The following C2CD5 variants were observed in gnomAD, a reference collection of about 807,000 sequenced individuals.
C2CD5 encodes C2 calcium dependent domain containing 5.
A neutral mutation model predicts 130.3 loss-of-function variants in C2CD5; 109 were observed. The ratio of observed to expected loss-of-function variants is 0.84; its 90% CI spans 0.72 to 0.98. C2CD5 has a LOEUF of 0.98. Among genes scored for constraint, C2CD5 ranks in the 50% least tolerant of loss-of-function variants. The probability of loss-of-function intolerance (pLI) is 0.00; values close to 1 mark genes in which losing one functional copy is unlikely to be tolerated. For missense variants in C2CD5, 996 were observed against 1,261.8 expected (o/e 0.79, Z 3.19); for synonymous variants, 454 against 429.2 (o/e 1.06, Z -0.71).
chr12:22,483,489 C>G (rs1233437714), intron 13 of C2CD5, among the ~76,000 whole-genome samples: 1 of 151,966 alleles, frequency 6.6e-6, no homozygotes, highest in African/African-American at 2.4e-5. Context: ...CTTCAATGTG[C>G]TGTAAAGAAA....
chr12:22,457,255 C>A, intron 24 of C2CD5, 94 bp from the exon 25 acceptor site: 1 of 792,622 alleles, frequency 1.3e-6, no homozygotes, highest in Non-Finnish European at 2.0e-6. Context: ...CAACATTCAG[C>A]TGTCTGTGAG....
At chr12:22,544,202 C>A in intron 1 of C2CD5, 23 bp from the exon 2 acceptor site, 2 of 1,568,796 alleles carry the variant, frequency 1.3e-6, no homozygotes, top group South Asian at 1.1e-5. Context: ...ACAAACGAGT[C>A]TGCGCCGAGC....
intron 23 of C2CD5, chr12:22,458,993 TA>T (rs927113924): frequency 6.4e-6 from 1 of 156,444 alleles, no homozygotes; most frequent in African/African-American, 2.4e-5. Flanking sequence ...AGTTTTACCC[TA>T]AAATTTTAAA....
Position 22,544,305 on chromosome 12 carries a change from C to A in C2CD5, c.-30+15G>T. The A allele has an allele frequency of 1.8e-6, 1 of 556,118 alleles. No homozygotes were observed. Among genetic ancestry groups the A allele is most frequent in the Non-Finnish European group, 3.1e-6 (1 of 326,702 alleles). The allele number at this position is 556,118 out of a possible 1,614,324, so 34.4% of individuals were successfully genotyped here. ...GCGCGGGCGCCCGGCAGTCGCGCCA[C>A]GGGTCGCCACTCACTGTCGCAGGAG... On this transcript the variant is annotated intron_variant, in intron 1 of 26. Coordinates refer to ENST00000446597, the MANE Select transcript of C2CD5 (RefSeq NM_001286176.2).
At chr12:22,474,977 T>C in intron 15 of C2CD5, 86 bp from the exon 16 acceptor site, 1 of 845,944 alleles carries the variant, frequency 1.2e-6, no homozygotes, top group Non-Finnish European at 1.7e-6. Flanking sequence ...GACACCTACC[T>C]GTGGAGAAAA....
Position 22,474,820 on chromosome 12 carries a change from T to C in C2CD5, c.1974A>G (p.Gln658=), listed in dbSNP as rs769178112. The C allele has an allele frequency of 1.7e-5, 28 of 1,609,988 alleles. No homozygotes were observed. In the Admixed American group the frequency reaches 2.0e-4, roughly 12 times the overall value. Residue 658 remains glutamine (Q), a synonymous_variant, in exon 16 of 27, where the codon CAA becomes CAG. Coordinates refer to ENST00000446597, the MANE Select transcript of C2CD5 (RefSeq NM_001286176.2). ...CTGTAACTTCATCCGAGCTTTCTGA[T>C]TGAGATCTTAGAAGTCTTGAGCGTT... ...PRQRSRLLRS[Q]SESSDEVTEL...
intron 3 of C2CD5, among the ~76,000 whole-genome samples, chr12:22,533,989 C>G (rs1445310493): frequency 6.6e-6 from 1 of 152,154 alleles, no homozygotes; most frequent in Non-Finnish European, 1.5e-5. Flanking sequence ...AGTTTGAGAC[C>G]AGCCGGGCCA....
At chr12:22,460,021 C>G (rs1254771436) in intron 22 of C2CD5, among the ~76,000 whole-genome samples, 2 of 152,198 alleles carry the variant, frequency 1.3e-5, no homozygotes, top group Non-Finnish European at 2.9e-5. Flanking sequence ...AGTCTTAACT[C>G]TCACCACCAA....
intron 26 of C2CD5, among the ~76,000 whole-genome samples, chr12:22,452,548 A>AT (rs1938901768): frequency 6.6e-6 from 1 of 152,114 alleles, no homozygotes; most frequent in African/African-American, 2.4e-5. Context: ...CCCTCCTAGG[A>AT]TGTTTCATAG....
chr12:22,455,665 A>C (rs1939688632), intron 25 of C2CD5, among the ~76,000 whole-genome samples: 1 of 152,156 alleles, frequency 6.6e-6, no homozygotes, highest in African/African-American at 2.4e-5. Context: ...AACGTAATTA[A>C]GAGTGATATA....
At position 22,525,703 on chromosome 12, in the gene C2CD5, T is replaced by C; in HGVS notation, c.352A>G (p.Ile118Val). ...WFPIYDTIHG[I>V]RGEINVVVKV... ...ACAACTACATTGATTTCCCCACGGA[T>C]ACCTATAAATTTAAAAAGAAAATCA... The change falls in exon 5 of 27, where the codon ATC becomes GTC. Residue 118 changes from isoleucine to valine, a missense_variant and splice_region_variant. Ile to Val is a conservative substitution (Grantham distance 29, BLOSUM62 3). This residue lies in a region of C2CD5 where 68 missense variants were observed against 154.5 expected (regional missense o/e 0.44). Coordinates refer to ENST00000446597, the MANE Select transcript of C2CD5 (RefSeq NM_001286176.2). The C allele has an allele frequency of 6.9e-7, 1 of 1,445,956 alleles. No homozygotes were observed. Among genetic ancestry groups the C allele is most frequent in the Non-Finnish European group, 9.7e-7 (1 of 1,031,188 alleles). The allele number at this position is 1,445,956 out of a possible 1,614,324, so 89.6% of individuals were successfully genotyped here. A position where few individuals can be genotyped will look rare whatever the true frequency, so the allele number is the denominator to read the frequency against.
At chr12:22,477,714 G>A (rs1944054811) in intron 15 of C2CD5, among the ~76,000 whole-genome samples, 1 of 151,980 alleles carries the variant, frequency 6.6e-6, no homozygotes, top group African/African-American at 2.4e-5. Flanking sequence ...ATCCACAGAG[G>A]AGGCAGCATT....
Position 22,478,441 on chromosome 12 carries a change from G to A in C2CD5, c.1774C>T (p.Pro592Ser), listed in dbSNP as rs529039781. The A allele has an allele frequency of 2.5e-6, 4 of 1,613,254 alleles. No homozygotes were observed. The highest frequency in any genetic ancestry group is 3.4e-6 in the Non-Finnish European group (4 of 1,179,464). Residue 592 changes from proline (P) to serine (S), a missense_variant, in exon 15 of 27, where the codon CCT (proline) becomes TCT (serine). Physicochemically the swap from Pro to Ser is moderately conservative, Grantham distance 74. Around this residue, in one of 9 missense-constraint regions of C2CD5, gnomAD observed 590 missense variants for 631.4 expected, o/e 0.93. Transcript: ENST00000446597. ...TGVYLAALPTPGGIQIAGKTP... is the reference protein window; with the variant it reads ...TGVYLAALPTSGGIQIAGKTP... ...TTCCCAGCAATCTGAATACCACCAGGAGTTGGTAAAGCTGCTAAATACACA... is the reference window on the plus strand; with the variant it reads ...TTCCCAGCAATCTGAATACCACCAGAAGTTGGTAAAGCTGCTAAATACACA...
intron 2 of C2CD5, among the ~76,000 whole-genome samples, chr12:22,537,647 C>A (rs1188564650): frequency 1.3e-5 from 2 of 152,162 alleles, no homozygotes. Flanking sequence ...AGCTAAATTA[C>A]CTTGAGAAAG....
chr12:22,462,483 G>A (rs1378944474), intron 22 of C2CD5, among the ~76,000 whole-genome samples: 1 of 152,120 alleles, frequency 6.6e-6, no homozygotes, highest in Non-Finnish European at 1.5e-5. Context: ...AAGCAATACA[G>A]GGCTATGGTT....
chr12:22,530,169 C>T (rs1951132482), intron 3 of C2CD5, among the ~76,000 whole-genome samples: 1 of 126,542 alleles, frequency 7.9e-6, no homozygotes, highest in Non-Finnish European at 1.6e-5. Flanking sequence ...CAACTGTATA[C>T]ATAACAACTA....
intron 15 of C2CD5, chr12:22,477,955 C>A: frequency 5.1e-6 from 1 of 197,512 alleles, no homozygotes; most frequent in Non-Finnish European, 1.0e-5. Context: ...ACAAAGCCCT[C>A]ATGAAGCTTC....
intron 9 of C2CD5, chr12:22,512,814 T>C: frequency 3.8e-6 from 2 of 520,958 alleles, no homozygotes; most frequent in Admixed American, 3.7e-5. Flanking sequence ...TGCATTATAC[T>C]GAATAACCAC....
chr12:22,471,578 T>C (rs1314240744), intron 19 of C2CD5, 90 bp from the exon 20 acceptor site: 1 of 628,342 alleles, frequency 1.6e-6, no homozygotes, highest in African/African-American at 1.9e-5. Flanking sequence ...TTATAGCAAA[T>C]GGAGAGTTAA....
Sources: gnomAD v4.1 joint callset for allele counts (sites outside exome capture counted in the v4.1 genomes callset) on GRCh38, gnomAD v4.1.1 for gene constraint, gnomAD v4.1.1 regional missense constraint, MANE v1.5 for transcripts, NCBI Gene and HGNC (gene_info 2026-07-23, HGNC 2026-07-21) for gene names.